The following PLPPR5 variants were observed in gnomAD, a reference collection of about 807,000 sequenced individuals.
PLPPR5 encodes phospholipid phosphatase related 5, also known as phospholipid phosphatase-related protein type 5.
In PLPPR5, 16 loss-of-function variants were observed where a neutral mutation model predicts 33.9. The observed-to-expected ratio is 0.47, with a 90% confidence interval of 0.32 to 0.72. The LOEUF is 0.72. Ranked by LOEUF, PLPPR5 falls within the 30% of genes least tolerant of loss-of-function variation. The pLI is 0.03. For synonymous variants in PLPPR5, 163 were observed against 150.3 expected (o/e 1.08, Z -0.62); for missense variants, 301 against 406.7 (o/e 0.74, Z 2.23).
At chr1:98,957,480 A>T (rs2101221401) in intron 1 of PLPPR5, among the ~76,000 whole-genome samples, 1 of 152,144 alleles carries the variant, frequency 6.6e-6, no homozygotes, top group Non-Finnish European at 1.5e-5. Context: ...ATTAAATTCC[A>T]TGTTTTATTT....
intron 1 of PLPPR5, among the ~76,000 whole-genome samples, chr1:98,977,368 T>A (rs1009642202): frequency 6.6e-6 from 1 of 151,840 alleles, no homozygotes; most frequent in Non-Finnish European, 1.5e-5. Flanking sequence ...CTGTAATAAC[T>A]AAAACAAACA....
intron 3 of PLPPR5, among the ~76,000 whole-genome samples, chr1:98,949,956 C>T (rs1650713878): frequency 6.6e-6 from 1 of 152,200 alleles, no homozygotes; most frequent in Non-Finnish European, 1.5e-5. Context: ...TACAACACTT[C>T]CCAGTGCTGG....
At chr1:99,005,358 C>A (rs1182860959), upstream of PLPPR5, among the ~76,000 whole-genome samples, 1 of 152,176 alleles carries the variant, frequency 6.6e-6, no homozygotes, top group African/African-American at 2.4e-5. Flanking sequence ...CAGCCTGCAT[C>A]CCTCGAATTC....
intron 4 of PLPPR5, among the ~76,000 whole-genome samples, chr1:98,920,315 G>T (rs926880954): frequency 1.3e-5 from 2 of 152,068 alleles, no homozygotes; most frequent in African/African-American, 2.4e-5. Flanking sequence ...AAATACAGTT[G>T]CATCTGACAC....
intron 1 of PLPPR5, among the ~76,000 whole-genome samples, chr1:98,966,927 C>A (rs1050804847): frequency 2.0e-5 from 3 of 152,100 alleles, no homozygotes; most frequent in Non-Finnish European, 4.4e-5. Flanking sequence ...CAGAAATGCA[C>A]ATTCTCGGGC....
chr1:98,947,472 C>G (rs1268774962), intron 3 of PLPPR5, among the ~76,000 whole-genome samples: 1 of 152,106 alleles, frequency 6.6e-6, no homozygotes, highest in Non-Finnish European at 1.5e-5. Context: ...TATTATCATC[C>G]AAGCCATTTT....
chr1:98,961,923 A>G (rs1426194105), intron 1 of PLPPR5, among the ~76,000 whole-genome samples: 1 of 152,160 alleles, frequency 6.6e-6, no homozygotes, highest in Non-Finnish European at 1.5e-5. Flanking sequence ...CTAAATCTGC[A>G]TATTTCCCCT....
chr1:98,912,236 T>C (rs759696163), intron 5 of PLPPR5, among the ~76,000 whole-genome samples: 6 of 152,232 alleles, frequency 3.9e-5, no homozygotes, highest in Non-Finnish European at 8.8e-5. Context: ...TGCAAATTTC[T>C]TAACCATTTG....
At chr1:98,998,222 A>AC (rs1054243571) in intron 1 of PLPPR5, among the ~76,000 whole-genome samples, 57 of 152,242 alleles carry the variant, frequency 3.7e-4, no homozygotes, top group Non-Finnish European at 6.5e-4. Context: ...GAGTCACTGC[A>AC]CCCCCAAATC....
chr1:98,975,589 T>C (rs1406532824), intron 1 of PLPPR5, among the ~76,000 whole-genome samples: 1 of 152,076 alleles, frequency 6.6e-6, no homozygotes. Flanking sequence ...TCTTTCAATA[T>C]CTATCCTACC....
intron 4 of PLPPR5, among the ~76,000 whole-genome samples, chr1:98,918,505 A>C (rs4908131): frequency 0.5 from 76,452 of 151,970 alleles, 20,027 homozygotes; most frequent in East Asian, 0.76. Context: ...TATTTTGCTA[A>C]GTATGGTGAT....
chr1:98,995,231 T>C (rs1488895124), intron 1 of PLPPR5, among the ~76,000 whole-genome samples: 1 of 151,864 alleles, frequency 6.6e-6, no homozygotes, highest in Non-Finnish European at 1.5e-5. Flanking sequence ...CTATTCACAA[T>C]AGCAAAGAAA....
chr1:98,937,883 T>C (rs528199571), intron 3 of PLPPR5, among the ~76,000 whole-genome samples: 6 of 152,314 alleles, frequency 3.9e-5, no homozygotes, highest in African/African-American at 1.4e-4. Context: ...TTGCAGTTAT[T>C]GTTGAATATT....
At chr1:98,920,464 A>G (rs1649505378) in intron 4 of PLPPR5, among the ~76,000 whole-genome samples, 1 of 151,486 alleles carries the variant, frequency 6.6e-6, no homozygotes, top group African/African-American at 2.4e-5. Flanking sequence ...TGCAAAAAAA[A>G]AAAAAAAAAA....
At chr1:98,923,199 C>T (rs946282476) in intron 3 of PLPPR5, among the ~76,000 whole-genome samples, 3 of 152,168 alleles carry the variant, frequency 2.0e-5, no homozygotes, top group African/African-American at 7.2e-5. Flanking sequence ...TATTCTATAG[C>T]TCAACTGCTC....
chr1:99,000,236 G>A (rs1165052123), intron 1 of PLPPR5, among the ~76,000 whole-genome samples: 1 of 152,102 alleles, frequency 6.6e-6, no homozygotes. Flanking sequence ...CAAATTACAG[G>A]CGTTTTCTGA....
intron 1 of PLPPR5, among the ~76,000 whole-genome samples, chr1:98,957,487 A>T (rs1022426854): frequency 2.6e-5 from 4 of 151,964 alleles, no homozygotes; most frequent in African/African-American, 9.7e-5. Context: ...TCCATGTTTT[A>T]TTTTTTTAAG....
intron 1 of PLPPR5, among the ~76,000 whole-genome samples, chr1:98,977,464 A>G (rs1278825949): frequency 6.6e-6 from 1 of 150,808 alleles, no homozygotes; most frequent in East Asian, 2.0e-4. Context: ...CATTGGTTCT[A>G]TGAATGTATG....
intron 1 of PLPPR5, among the ~76,000 whole-genome samples, chr1:99,002,081 T>A (rs1431542582): frequency 6.6e-6 from 1 of 152,128 alleles, no homozygotes; most frequent in Non-Finnish European, 1.5e-5. Context: ...CAAGTGAGCA[T>A]GCTAACCCAG....
Sources: allele counts gnomAD v4.1 joint callset (sites outside exome capture counted in the v4.1 genomes callset), GRCh38; gene constraint gnomAD v4.1.1; transcripts MANE v1.5; gene names NCBI Gene and HGNC (gene_info 2026-07-23, HGNC 2026-07-21).